The following CALCOCO2 variants were observed in gnomAD, a reference collection of about 807,000 sequenced individuals.
The protein encoded by CALCOCO2 is calcium-binding and coiled-coil domain-containing protein 2.
CALCOCO2 carries 42 observed loss-of-function variants against 62.5 expected under a neutral mutation model. The observed-to-expected ratio is 0.67, with a 90% CI of 0.53 to 0.87. The LOEUF is 0.87. Among genes scored for constraint, CALCOCO2 ranks in the 40% least tolerant of loss-of-function variants. The pLI is 0.00. For synonymous variants in CALCOCO2, 167 were observed against 173.0 expected, an observed-to-expected ratio of 0.97 and a Z score of 0.27; for missense variants, 456 against 515.0, an observed-to-expected ratio of 0.89 and a Z score of 1.11.
chr17:48,845,250 G>A (rs1176301373), intron 2 of CALCOCO2, among the ~76,000 whole-genome samples: 1 of 152,082 alleles, frequency 6.6e-6, no homozygotes. Flanking sequence ...GGCTTCTAAT[G>A]TCCCTTGTCC....
intron 11 of CALCOCO2, among the ~76,000 whole-genome samples, chr17:48,861,644 T>C (rs1185404147): frequency 1.2e-4 from 2 of 17,342 alleles, no homozygotes; most frequent in Non-Finnish European, 2.7e-4. Flanking sequence ...TATATGTATA[T>C]ATATATATGT....
chr17:48,847,411 C>G (rs1258617509), intron 2 of CALCOCO2, among the ~76,000 whole-genome samples: 1 of 152,128 alleles, frequency 6.6e-6, no homozygotes, highest in Non-Finnish European at 1.5e-5. Context: ...CCCCTTAAAT[C>G]AGTCTCAGCT....
chr17:48,838,373 C>T lies in CALCOCO2; in HGVS notation c.-10-3325C>T, dbSNP rs138263737. 3.9e-3 allele frequency among the ~76,000 whole-genome samples: 594 copies of T among 152,080 alleles called. 1 individual carries two copies. Among genetic ancestry groups the T allele is most frequent in the Non-Finnish European group, 6.1e-3 (413 of 68,002 alleles). On this transcript the variant is annotated intron_variant, in intron 1 of 12. Transcript: ENST00000258947. ...TGTCTGCTTGTGGATTTCATTTCTG[C>T]CTTTTAGTTTTTACTTTTTTTTTCT...
rs2040351901 is a variant in CALCOCO2, at chr17:48,863,150, T to C, written c.*145T>C. 1.5e-6 allele frequency: 1 copy of C among 660,928 alleles called. No homozygotes were observed. Among genetic ancestry groups the C allele is most frequent in the African/African-American group, 1.8e-5 (1 of 55,354 alleles). The allele number at this position is 660,928 out of a possible 1,614,324, so 40.9% of individuals were successfully genotyped here. On this transcript the variant is annotated 3_prime_UTR_variant, in exon 13 of 13. Coordinates refer to ENST00000258947, the MANE Select transcript of CALCOCO2 (RefSeq NM_005831.5). ...TGCTGCCGCTAACAGTGGAGTTATG[T>C]CACTGATCTGAAGGTCACTGTTAAG...
intron 8 of CALCOCO2, 136 bp downstream of exon 8, chr17:48,852,764 T>C: frequency 4.0e-6 from 4 of 1,008,816 alleles, no homozygotes; most frequent in Non-Finnish European, 5.9e-6. Context: ...GAGGAAGCTA[T>C]CTGAAATGAG....
intron 2 of CALCOCO2, among the ~76,000 whole-genome samples, chr17:48,845,371 C>CTG (rs56280364): frequency 0.029 from 3,338 of 115,996 alleles, 57 homozygotes; most frequent in Middle Eastern, 0.055. Context: ...TAAATCCTCA[C>CTG]TGTGTGTGTG....
intron 1 of CALCOCO2, 81 bp from the exon 2 acceptor site, chr17:48,841,617 T>A: frequency 1.0e-6 from 1 of 972,186 alleles, no homozygotes; most frequent in Middle Eastern, 3.4e-4. Context: ...GCACAGAATG[T>A]TCCCTGGATG....
chr17:48,861,198 T>C (rs2040321500), intron 11 of CALCOCO2, among the ~76,000 whole-genome samples: 3 of 151,994 alleles, frequency 2.0e-5, no homozygotes. Context: ...TGAAACCCTG[T>C]CTCTACTAAA....
chr17:48,839,745 T>C (rs1456968010), intron 1 of CALCOCO2, among the ~76,000 whole-genome samples: 3 of 149,538 alleles, frequency 2.0e-5, no homozygotes, highest in African/African-American at 7.4e-5. Context: ...GGCATGATCT[T>C]GGCTCACTGA....
intron 1 of CALCOCO2, among the ~76,000 whole-genome samples, chr17:48,836,325 C>A (rs1359506741): frequency 1.3e-5 from 2 of 152,174 alleles, no homozygotes; most frequent in African/African-American, 4.8e-5. Context: ...ATCATCTCCT[C>A]ACCCTATTTT....
intron 12 of CALCOCO2, 94 bp downstream of exon 12, chr17:48,862,398 A>G (rs1380656843): frequency 1.0e-5 from 9 of 886,898 alleles, no homozygotes; most frequent in Non-Finnish European, 1.7e-5. Flanking sequence ...AGACAGGTTC[A>G]TTTTGATAAC....
At chr17:48,831,631 G>T (rs895017429) in intron 1 of CALCOCO2, 15 of 152,222 alleles carry the variant, frequency 9.9e-5, no homozygotes, top group African/African-American at 3.6e-4. Context: ...GAGGAAAGAC[G>T]GTGTCGTGAC....
At chr17:48,857,166 AT>A (rs1488822641) in intron 10 of CALCOCO2, among the ~76,000 whole-genome samples, 2 of 147,824 alleles carry the variant, frequency 1.4e-5, no homozygotes, top group African/African-American at 5.0e-5. Context: ...CTACTCCTGT[AT>A]CTATACTTCC....
intron 1 of CALCOCO2, among the ~76,000 whole-genome samples, chr17:48,838,096 CCCCGA>C (rs749473825): frequency 6.6e-6 from 1 of 152,048 alleles, no homozygotes; most frequent in Non-Finnish European, 1.5e-5. Flanking sequence ...GAGCTGAGCT[CCCCGA>C]GTGAGCAATT....
chr17:48,856,459 T>A lies in CALCOCO2; in HGVS notation c.1008+272T>A. ...GACCTAACTTATTTTTGCTTTTAAC[T>A]TCACAGCTAATATATGTTGCCTTGG... On this transcript the variant is annotated intron_variant, in intron 10 of 12. Transcript: ENST00000258947. 1.1e-5 allele frequency: 5 copies of A among 472,382 alleles called. No homozygotes were observed. The Admixed American group carries it at 1.3e-4, about 12-fold the overall frequency. The allele number at this position is 472,382 out of a possible 1,614,324, so 29.3% of individuals were successfully genotyped here.
At chr17:48,838,756 G>C (rs1446266491) in intron 1 of CALCOCO2, among the ~76,000 whole-genome samples, 2 of 152,080 alleles carry the variant, frequency 1.3e-5, no homozygotes, top group African/African-American at 4.8e-5. Context: ...GTGCCTGTAT[G>C]TGTACACAAT....
intron 1 of CALCOCO2, among the ~76,000 whole-genome samples, chr17:48,841,243 A>T (rs913998408): frequency 6.6e-6 from 1 of 152,202 alleles, no homozygotes; most frequent in Non-Finnish European, 1.5e-5. Context: ...TATCTTATGT[A>T]TGGAAGGTCC....
Position 48,856,130 on chromosome 17 carries a change from C to T in CALCOCO2, c.951C>T (p.Asn317=), listed in dbSNP as rs199933709. ...ACCTGTCAAAAAGACTGAGTGAGAA[C>T]GAAATTATATGTAATGCTCTGCAGA... The part of the protein sequence containing the change: ...NFDLSKRLSE[N]EIICNALQRQ... The change falls in exon 10 of 13, where the codon AAC becomes AAT. Residue 317 remains asparagine (N), a synonymous_variant. Transcript: ENST00000258947. 2.8e-5 allele frequency: 45 copies of T among 1,601,648 alleles called. No homozygotes were observed. The highest frequency in any genetic ancestry group is 1.1e-4 in the East Asian group (5 of 44,772).
chr17:48,842,479 A>G (rs571212852), intron 2 of CALCOCO2: 2 of 151,704 alleles, frequency 1.3e-5, no homozygotes, highest in African/African-American at 4.8e-5. Context: ...AAAACCAAAT[A>G]TAAATACTTG....
Sources: gnomAD v4.1 joint callset for allele counts (sites outside exome capture counted in the v4.1 genomes callset) on GRCh38, gnomAD v4.1.1 for gene constraint, MANE v1.5 for transcripts, NCBI Gene and HGNC (gene_info 2026-07-23, HGNC 2026-07-21) for gene names.